Variants in PRKCZ observed in about 807,000 individuals in gnomAD.
PRKCZ encodes the protein protein kinase C zeta type.
In PRKCZ, 33 loss-of-function variants were observed where a neutral mutation model predicts 79.5. That is an observed-to-expected ratio of 0.41 (90% CI 0.31 to 0.55). PRKCZ has a LOEUF of 0.55. PRKCZ is among the 20% of genes least tolerant of loss of function. PRKCZ has a pLI of 0.19. For synonymous variants in PRKCZ, 342 were observed against 320.9 expected (o/e 1.07, Z -0.70); for missense variants, 578 against 813.5 (o/e 0.71, Z 3.52).
intron 4 of PRKCZ, among the ~76,000 whole-genome samples, chr1:2,064,527 CTGAGT>C (rs1239089631): frequency 6.6e-6 from 1 of 152,114 alleles, no homozygotes; most frequent in Non-Finnish European, 1.5e-5. Context: ...ATGGATTATC[CTGAGT>C]TAATTTTTGT....
chr1:2,107,258 A>C (rs1402265551), intron 4 of PRKCZ, among the ~76,000 whole-genome samples: 1 of 152,138 alleles, frequency 6.6e-6, no homozygotes, highest in Admixed American at 6.5e-5. Context: ...TCCTGTGCGG[A>C]GGCCGCCCCT....
chr1:2,051,049 C>G (rs1055705009), intron 1 of PRKCZ: 1 of 220,878 alleles, frequency 4.5e-6, no homozygotes. Context: ...TGTGAAAACT[C>G]CTGGCGGGTT....
At chr1:2,145,984 T>C (rs1450469610) in intron 6 of PRKCZ, 43 bp from the exon 7 acceptor site, 3 of 1,526,252 alleles carry the variant, frequency 2.0e-6, no homozygotes, top group South Asian at 2.2e-5. Context: ...TAACACCTGC[T>C]CTAGCACTTG....
chr1:2,073,697 TACC>T (rs1661848367), intron 4 of PRKCZ: 10 of 992,224 alleles, frequency 1.0e-5, no homozygotes, highest in Non-Finnish European at 1.2e-5. Flanking sequence ...GGGAGCCGGG[TACC>T]ACCCGGGCCT....
intron 4 of PRKCZ, among the ~76,000 whole-genome samples, chr1:2,130,412 G>T (rs1231583554): frequency 6.6e-6 from 1 of 152,164 alleles, no homozygotes; most frequent in Non-Finnish European, 1.5e-5. Flanking sequence ...CTTCCCGTGG[G>T]ACTCCGCATG....
Position 2,096,228 on chromosome 1 carries a change from C to T in PRKCZ, c.334+36637C>T, listed in dbSNP as rs373817869. On this transcript the variant is annotated intron_variant, in intron 4 of 17. Coordinates refer to ENST00000378567, the MANE Select transcript of PRKCZ (RefSeq NM_002744.6). ...TTCCTTGTGACTTCATCCCTCCGAT[C>T]GGGCAGGTGGTTTTGTGCAGTGTGT... Among the ~76,000 whole-genome samples, 4 of 151,944 alleles carry T rather than the reference C, an allele frequency of 2.6e-5. No individual in the cohort carries two copies. The South Asian group carries it at 8.4e-4, about 32-fold the overall frequency.
At chr1:2,140,076 G>A (rs1469757669) in intron 5 of PRKCZ, among the ~76,000 whole-genome samples, 1 of 152,246 alleles carries the variant, frequency 6.6e-6, no homozygotes, top group African/African-American at 2.4e-5. Context: ...GTGGGGAAGG[G>A]AGATCAGAAG....
At chr1:2,090,471 AC>A (rs1665296990) in intron 4 of PRKCZ, among the ~76,000 whole-genome samples, 1 of 150,502 alleles carries the variant, frequency 6.6e-6, no homozygotes, top group African/African-American at 2.5e-5. Flanking sequence ...TGGCCGTCTC[AC>A]CACTGAGGGG....
chr1:2,152,789 A>C (rs1275716412), intron 9 of PRKCZ, among the ~76,000 whole-genome samples: 1 of 152,182 alleles, frequency 6.6e-6, no homozygotes, highest in Non-Finnish European at 1.5e-5. Flanking sequence ...TGGCTTCTCC[A>C]GTGTCCGTCC....
rs890149256 is a variant in PRKCZ at position 2,075,210 on chromosome 1, G to C, written c.334+15619G>C. Reference sequence around the variant, plus strand: ...GCGAGGAGAAACGTGCTGTGTCATAGTTTCCTCGGTGCCTGGGACGGCTTG... The same window carrying C: ...GCGAGGAGAAACGTGCTGTGTCATACTTTCCTCGGTGCCTGGGACGGCTTG... On this transcript the variant is annotated intron_variant, in intron 4 of 17. Coordinates refer to ENST00000378567, the MANE Select transcript of PRKCZ (RefSeq NM_002744.6). This position sits in a 1 kb window ranked among gnomAD's most constrained non-coding sequence, Gnocchi z 4.8. 9 of 152,336 alleles carry C rather than the reference G, an allele frequency of 5.9e-5. No individual in the cohort carries two copies. The highest frequency in any genetic ancestry group is 3.3e-4 in the Admixed American group (5 of 15,284). The allele number at this position is 152,336 out of a possible 1,614,324, so 9.4% of individuals were successfully genotyped here.
At chr1:2,140,116 G>A (rs1422351464) in intron 5 of PRKCZ, among the ~76,000 whole-genome samples, 3 of 152,234 alleles carry the variant, frequency 2.0e-5, no homozygotes, top group Non-Finnish European at 2.9e-5. Flanking sequence ...GTGCCTGTCA[G>A]ATTTGGTCCA....
At chr1:2,129,884 G>A (rs926306210) in intron 4 of PRKCZ, among the ~76,000 whole-genome samples, 2 of 152,086 alleles carry the variant, frequency 1.3e-5, no homozygotes, top group Admixed American at 1.3e-4. Flanking sequence ...AAATAAAAAG[G>A]ATGGGTTTTT....
chr1:2,135,091 G>A (rs931757275), intron 4 of PRKCZ, 171 bp from the exon 5 acceptor site: 11 of 558,430 alleles, frequency 2.0e-5, no homozygotes, highest in Middle Eastern at 4.8e-4. Context: ...GATCATGTGA[G>A]GAGGGGCAGA....
At chr1:2,122,122 C>T (rs143481699) in intron 4 of PRKCZ, among the ~76,000 whole-genome samples, 73 of 4,234 alleles carry the variant, frequency 0.017, no homozygotes, top group Non-Finnish European at 0.026. Flanking sequence ...GTTAGGGTCA[C>T]GGTGGTGGTT....
chr1:2,106,103 G>A (rs772338035), intron 4 of PRKCZ, among the ~76,000 whole-genome samples: 13 of 152,196 alleles, frequency 8.5e-5, no homozygotes, highest in Non-Finnish European at 1.2e-4. Flanking sequence ...CCAGGACTTC[G>A]ATGGGGTGTC....
intron 5 of PRKCZ, among the ~76,000 whole-genome samples, chr1:2,140,649 T>A (rs1432665655): frequency 1.3e-5 from 2 of 150,440 alleles, no homozygotes; most frequent in Non-Finnish European, 3.0e-5. Flanking sequence ...AGAGTGAGAC[T>A]CCGTCTCAAA....
At chr1:2,144,166 C>T (rs1201056272) in intron 5 of PRKCZ, 44 bp from the exon 6 acceptor site, 13 of 1,543,800 alleles carry the variant, frequency 8.4e-6, no homozygotes, top group Non-Finnish European at 1.1e-5. Flanking sequence ...TCTCCGCTGG[C>T]CCCTCAGTGT....
intron 1 of PRKCZ, among the ~76,000 whole-genome samples, chr1:2,051,330 C>G (rs1240929589): frequency 2.0e-5 from 3 of 152,194 alleles, no homozygotes; most frequent in Non-Finnish European, 2.9e-5. Flanking sequence ...GTCCTGGACT[C>G]TTGGCCGCCG....
intron 1 of PRKCZ, among the ~76,000 whole-genome samples, chr1:2,052,915 C>T (rs1449217739): frequency 6.6e-6 from 1 of 152,170 alleles, no homozygotes; most frequent in Non-Finnish European, 1.5e-5. Flanking sequence ...CCTTGCCTGT[C>T]CTCCCAGGGC....
Sources: gnomAD v4.1 joint callset for allele counts (sites outside exome capture counted in the v4.1 genomes callset) on GRCh38, gnomAD v4.1.1 for gene constraint, Gnocchi (gnomAD v3.1) non-coding constraint, MANE v1.5 for transcripts, NCBI Gene and HGNC (gene_info 2026-07-23, HGNC 2026-07-21) for gene names.